TBC1D4: variants seen among roughly 807,000 people sequenced by gnomAD.
The protein encoded by TBC1D4 is TBC (Tre-2, BUB2, CDC16) domain-containing protein.
In TBC1D4, 121 loss-of-function variants were observed where a neutral mutation model predicts 142.5. That is an observed-to-expected ratio of 0.85 (90% CI 0.73 to 0.99). TBC1D4 has a LOEUF of 0.99. Among genes scored for constraint, TBC1D4 ranks in the 50% least tolerant of loss-of-function variants. The probability of loss-of-function intolerance (pLI) is 0.00; values close to 1 mark genes in which losing one functional copy is unlikely to be tolerated. For missense variants in TBC1D4, 1,475 were observed against 1,606.6 expected (o/e 0.92, Z 1.40); for synonymous variants, 630 against 628.2 (o/e 1.00, Z -0.04).
chr13:75,463,453 C>G (rs1593913982), intron 1 of TBC1D4, among the ~76,000 whole-genome samples: 2 of 152,268 alleles, frequency 1.3e-5, no homozygotes, highest in South Asian at 4.1e-4. Flanking sequence ...AACAGAGATT[C>G]CCAGGGCCCA....
chr13:75,475,837 A>T (rs1281916345), intron 1 of TBC1D4, among the ~76,000 whole-genome samples: 1 of 152,190 alleles, frequency 6.6e-6, no homozygotes, highest in Non-Finnish European at 1.5e-5. Flanking sequence ...TATCCAACAT[A>T]CTTGGGAACA....
At chr13:75,337,284 G>A (rs1880306959) in intron 7 of TBC1D4, among the ~76,000 whole-genome samples, 1 of 152,084 alleles carries the variant, frequency 6.6e-6, no homozygotes, top group Non-Finnish European at 1.5e-5. Flanking sequence ...TCCTTTCCAT[G>A]AATACACTCC....
At chr13:75,401,628 A>ACAGATTAATC (rs1885099318) in intron 1 of TBC1D4, among the ~76,000 whole-genome samples, 1 of 152,242 alleles carries the variant, frequency 6.6e-6, no homozygotes. Context: ...AACAGAATAT[A>ACAGATTAATC]CAGATTAATC....
intron 1 of TBC1D4, among the ~76,000 whole-genome samples, chr13:75,423,678 T>A (rs7991578): frequency 0.038 from 5,825 of 152,268 alleles, 390 homozygotes; most frequent in African/African-American, 0.13. Flanking sequence ...AAACTTCCAT[T>A]GTAGAGTAAC....
chr13:75,295,586 TGA>T (rs1875829929), intron 17 of TBC1D4, among the ~76,000 whole-genome samples: 1 of 152,210 alleles, frequency 6.6e-6, no homozygotes, highest in South Asian at 2.1e-4. Flanking sequence ...ATATTTTTCA[TGA>T]CAAACGTGAT....
rs746919445 is a variant in TBC1D4, at chr13:75,296,840, C to T, written c.3157-1827G>A. ...TTTAAAGTTGAAAAAGACCTCAACC[C>T]CCACATTTTACAGATAAGGTAACTG... is the stretch of plus-strand genomic sequence containing the variant. On this transcript the variant is annotated intron_variant, in intron 17 of 20. Coordinates refer to ENST00000377636, the MANE Select transcript of TBC1D4 (RefSeq NM_014832.5). 8.6e-5 allele frequency among the ~76,000 whole-genome samples: 13 copies of T among 151,962 alleles called. 1 individual carries two copies. Among genetic ancestry groups the T allele is most frequent in the Admixed American group, 1.3e-4 (2 of 15,252 alleles).
chr13:75,362,079 G>C lies in TBC1D4; in HGVS notation c.1027C>G (p.Pro343Ala). ...GAGTCCGAGGGCTGGACGTGACTGG[G>C]TGCGCTCGCGTGTCTCCGTCGCGGC... Reference protein sequence around the residue: ...SQPRRRHASAPSHVQPSDSEK... With the variant: ...SQPRRRHASAASHVQPSDSEK... Residue 343 changes from proline (P) to alanine (A), a missense_variant, in exon 2 of 21, where the codon CCC (proline) becomes GCC (alanine). Pro to Ala is a conservative substitution (Grantham distance 27). Around this residue, in one of 2 missense-constraint regions of TBC1D4, gnomAD observed 1,227 missense variants for 1,267.7 expected, o/e 0.97. Coordinates refer to ENST00000377636, the MANE Select transcript of TBC1D4 (RefSeq NM_014832.5). The surrounding 1 kb of genome is among the most constrained non-coding windows in gnomAD (Gnocchi z 4.2). The C allele has an allele frequency of 6.2e-7, 1 of 1,614,114 alleles. No individual in the cohort carries two copies. The highest frequency in any genetic ancestry group is 8.5e-7 in the Non-Finnish European group (1 of 1,180,034).
chr13:75,431,958 GAATT>G (rs1886607672), intron 1 of TBC1D4, among the ~76,000 whole-genome samples: 1 of 152,186 alleles, frequency 6.6e-6, no homozygotes. Flanking sequence ...CATTTTAGAA[GAATT>G]AGATTTGCTT....
intron 2 of TBC1D4, among the ~76,000 whole-genome samples, chr13:75,361,007 C>A (rs1882458045): frequency 6.6e-6 from 1 of 152,132 alleles, no homozygotes; most frequent in Admixed American, 6.5e-5. Context: ...TCTTTCCCCC[C>A]AAGGAAACTC....
intron 8 of TBC1D4, among the ~76,000 whole-genome samples, chr13:75,331,834 C>T (rs1260009012): frequency 8.0e-6 from 1 of 125,152 alleles, no homozygotes; most frequent in Non-Finnish European, 1.7e-5. Context: ...TTCTACTATA[C>T]AACTCAGCAG....
chr13:75,298,766 T>C (rs904514769), intron 17 of TBC1D4, among the ~76,000 whole-genome samples: 21 of 142,778 alleles, frequency 1.5e-4, no homozygotes, highest in East Asian at 2.0e-4. Flanking sequence ...CACACACACA[T>C]ACACACACAC....
At chr13:75,429,966 T>G (rs1033796397) in intron 1 of TBC1D4, among the ~76,000 whole-genome samples, 1 of 152,316 alleles carries the variant, frequency 6.6e-6, no homozygotes, top group East Asian at 1.9e-4. Context: ...CCATCTGGAA[T>G]AGGAGAAGAG....
chr13:75,386,293 T>A (rs930299980), intron 1 of TBC1D4, among the ~76,000 whole-genome samples: 1 of 152,192 alleles, frequency 6.6e-6, no homozygotes, highest in African/African-American at 2.4e-5. Flanking sequence ...ATGAATAAAT[T>A]ATACACTTTT....
At chr13:75,369,040 T>A (rs1883081565) in intron 1 of TBC1D4, among the ~76,000 whole-genome samples, 1 of 151,486 alleles carries the variant, frequency 6.6e-6, no homozygotes, top group Non-Finnish European at 1.5e-5. Context: ...TGAGACTCTG[T>A]CTCAAAAAAA....
intron 1 of TBC1D4, among the ~76,000 whole-genome samples, chr13:75,374,325 T>A (rs1883381329): frequency 6.6e-6 from 1 of 152,160 alleles, no homozygotes; most frequent in South Asian, 2.1e-4. Context: ...AAACTCAGTA[T>A]CCCAAAGCCC....
intron 8 of TBC1D4, among the ~76,000 whole-genome samples, 181 bp downstream of exon 8, chr13:75,336,740 C>CA (rs1487262349): frequency 1.3e-5 from 2 of 150,084 alleles, no homozygotes; most frequent in South Asian, 2.1e-4. Context: ...AAATCCATCT[C>CA]AAAAAAACAA....
intron 4 of TBC1D4, among the ~76,000 whole-genome samples, chr13:75,351,606 T>C (rs903484924): frequency 1.4e-4 from 19 of 139,640 alleles, no homozygotes; most frequent in Non-Finnish European, 2.3e-4. Context: ...TGTGTGATGT[T>C]CCCCTTCCTG....
intron 1 of TBC1D4, among the ~76,000 whole-genome samples, chr13:75,405,508 G>A (rs962166510): frequency 6.6e-6 from 1 of 152,116 alleles, no homozygotes; most frequent in Admixed American, 6.5e-5. Context: ...CTGAGTTCAG[G>A]CAATATGCCC....
Position 75,324,273 on chromosome 13 carries a change from G to C in TBC1D4, c.2162C>G (p.Ser721Ter). The change falls in exon 11 of 21, where the codon TCA (serine) becomes TGA (stop). Residue 721 changes from serine to a stop codon, truncating the protein, a stop_gained. Transcript: ENST00000377636. LOFTEE classifies it high-confidence loss of function. ...PSFLKSFYQN[S>*]GRLSPQYENE... Reference sequence around the variant, plus strand: ...TTCATACTGTGGGGACAGTCTACCTGAATTCTGGTAAAAGCTTTTCAGGAA... The same window carrying C: ...TTCATACTGTGGGGACAGTCTACCTCAATTCTGGTAAAAGCTTTTCAGGAA... 1 of 1,613,950 alleles carries C rather than the reference G, an allele frequency of 6.2e-7. No individual in the cohort carries two copies. The highest frequency in any genetic ancestry group is 8.5e-7 in the Non-Finnish European group (1 of 1,179,840).
Sources: allele counts gnomAD v4.1 joint callset (sites outside exome capture counted in the v4.1 genomes callset), GRCh38; gene constraint gnomAD v4.1.1; regional missense constraint gnomAD v4.1.1; non-coding constraint Gnocchi (gnomAD v3.1); transcripts MANE v1.5; gene names NCBI Gene and HGNC (gene_info 2026-07-23, HGNC 2026-07-21).